The following MRAP2 variants were observed in gnomAD, a reference collection of about 807,000 sequenced individuals.
MRAP2 encodes melanocortin-2 receptor accessory protein 2.
In MRAP2, 20 loss-of-function variants were observed where a neutral mutation model predicts 17.4. The observed-to-expected ratio is 1.15, with a 90% confidence interval of 0.81 to 1.67. The LOEUF is 1.67. MRAP2 is among the 40% of genes most tolerant of loss of function. The probability of loss-of-function intolerance (pLI) is 0.00; values close to 1 mark genes in which losing one functional copy is unlikely to be tolerated. For synonymous variants in MRAP2, 96 were observed against 88.4 expected, an observed-to-expected ratio of 1.09 and a Z score of -0.48; for missense variants, 238 against 240.0, an observed-to-expected ratio of 0.99 and a Z score of 0.05.
At chr6:84,125,567 G>A in the MRAP2 span, among the ~76,000 whole-genome samples, 3 of 152,058 alleles carry the variant, frequency 2.0e-5, no homozygotes, top group Non-Finnish European at 4.4e-5. Flanking sequence ...TAAGGGTGGG[G>A]ACTTGATTTG....
chr6:84,078,233 A>G (rs928509826), intron 3 of MRAP2, among the ~76,000 whole-genome samples: 1 of 152,224 alleles, frequency 6.6e-6, no homozygotes, highest in Non-Finnish European at 1.5e-5. Flanking sequence ...TATGCAATAC[A>G]CATAACTGAC....
chr6:84,123,812 A>G, the MRAP2 span, among the ~76,000 whole-genome samples: 1,754 of 152,274 alleles, frequency 0.012, 29 homozygotes, highest in African/African-American at 0.04. Flanking sequence ...AATATATGCA[A>G]GTTATTTCTC....
At chr6:84,071,981 G>A (rs1382977940) in intron 3 of MRAP2, among the ~76,000 whole-genome samples, 4 of 151,808 alleles carry the variant, frequency 2.6e-5, no homozygotes, top group African/African-American at 9.7e-5. Flanking sequence ...TTTACTTCTT[G>A]TATAGTTTTT....
the MRAP2 span, chr6:84,124,902 GT>G: frequency 2.1e-5 from 13 of 633,482 alleles, no homozygotes; most frequent in African/African-American, 1.3e-4. Flanking sequence ...ACCATTATAT[GT>G]TTTTTTTCTT....
chr6:84,123,593 C>G, the MRAP2 span, among the ~76,000 whole-genome samples: 1 of 152,008 alleles, frequency 6.6e-6, no homozygotes, highest in Non-Finnish European at 1.5e-5. Flanking sequence ...GGATTAAAGA[C>G]CTAAATGTAA....
At chr6:84,140,937 G>A in the MRAP2 span, among the ~76,000 whole-genome samples, 5 of 152,184 alleles carry the variant, frequency 3.3e-5, no homozygotes, top group Non-Finnish European at 5.9e-5. Flanking sequence ...AAAGAGGGAG[G>A]ATGGTTTTGG....
intron 3 of MRAP2, among the ~76,000 whole-genome samples, chr6:84,069,644 T>C (rs1261060388): frequency 1.3e-5 from 2 of 152,190 alleles, no homozygotes; most frequent in East Asian, 3.9e-4. Flanking sequence ...TTCTCTATCT[T>C]GTGGAATAGT....
intron 2 of MRAP2, among the ~76,000 whole-genome samples, chr6:84,060,889 C>T (rs1326779108): frequency 3.6e-4 from 49 of 135,180 alleles, no homozygotes; most frequent in Middle Eastern, 8.1e-3. Context: ...TTAGTAGAGA[C>T]GGGGTTTCAC....
intron 1 of MRAP2, among the ~76,000 whole-genome samples, chr6:84,035,810 G>C (rs2099485825): frequency 6.6e-6 from 1 of 152,032 alleles, no homozygotes; most frequent in East Asian, 1.9e-4. Context: ...ATTTCTGTTG[G>C]CCCCCAGATG....
chr6:84,066,250 A>G (rs531561647), intron 3 of MRAP2, among the ~76,000 whole-genome samples: 1 of 152,354 alleles, frequency 6.6e-6, no homozygotes, highest in East Asian at 1.9e-4. Context: ...TAACAAGGTT[A>G]AGGAAAAATA....
At chr6:84,050,485 G>A (rs2099490151) in intron 1 of MRAP2, among the ~76,000 whole-genome samples, 1 of 152,168 alleles carries the variant, frequency 6.6e-6, no homozygotes. Flanking sequence ...GCACGAGTAA[G>A]CTGGGTGCAC....
At chr6:84,133,884 G>C in the MRAP2 span, among the ~76,000 whole-genome samples, 1 of 152,188 alleles carries the variant, frequency 6.6e-6, no homozygotes, top group Non-Finnish European at 1.5e-5. Flanking sequence ...ACAAGCCCCA[G>C]TGAGATGAAC....
chr6:84,119,714 T>G, the MRAP2 span, among the ~76,000 whole-genome samples: 1 of 152,186 alleles, frequency 6.6e-6, no homozygotes, highest in African/African-American at 2.4e-5. Context: ...TACAAGTGGT[T>G]GATCAGGAGT....
intron 1 of MRAP2, among the ~76,000 whole-genome samples, chr6:84,053,056 T>C (rs2099490839): frequency 6.6e-6 from 1 of 152,196 alleles, no homozygotes; most frequent in Admixed American, 6.5e-5. Flanking sequence ...ACTGCTGCTT[T>C]CTGACTGGTC....
At chr6:84,067,730 G>GTTTTTTT (rs57643473) in intron 3 of MRAP2, among the ~76,000 whole-genome samples, 1 of 125,634 alleles carries the variant, frequency 8.0e-6, no homozygotes, top group African/African-American at 3.0e-5. Context: ...GGATGGAATT[G>GTTTTTTT]TTTTTTTTTT....
chr6:84,109,004 G>A, the MRAP2 span, among the ~76,000 whole-genome samples: 4 of 152,024 alleles, frequency 2.6e-5, no homozygotes, highest in Non-Finnish European at 4.4e-5. Context: ...CTATTTCTGG[G>A]CTCTTTATTC....
intron 2 of MRAP2, among the ~76,000 whole-genome samples, chr6:84,058,375 A>G (rs2099492209): frequency 6.6e-6 from 1 of 152,218 alleles, no homozygotes; most frequent in African/African-American, 2.4e-5. Flanking sequence ...TGTGTAAGAG[A>G]AAGAAGAGTC....
intron 1 of MRAP2, among the ~76,000 whole-genome samples, chr6:84,034,395 T>G (rs1006537276): frequency 6.6e-6 from 1 of 152,080 alleles, no homozygotes; most frequent in African/African-American, 2.4e-5. Context: ...TGCTCATTCA[T>G]TTTGTTTGGA....
chr6:84,081,191 A>G lies in MRAP2; in HGVS notation c.228-7900A>G, dbSNP rs149100080. 4.0e-3 allele frequency among the ~76,000 whole-genome samples: 616 copies of G among 152,340 alleles called. 8 individuals are homozygous for G. The highest frequency in any genetic ancestry group is 0.014 in the African/African-American group (591 of 41,576). On this transcript the variant is annotated intron_variant, in intron 3 of 3. Coordinates refer to ENST00000257776, the MANE Select transcript of MRAP2 (RefSeq NM_138409.4). ...TTGATTGTGAAATTTCAAGTGCACC[A>G]TTATCCTGTCAAATGAAAAAGGTAG...
Sources: gnomAD v4.1 joint callset for allele counts (sites outside exome capture counted in the v4.1 genomes callset) on GRCh38, gnomAD v4.1.1 for gene constraint, MANE v1.5 for transcripts, NCBI Gene and HGNC (gene_info 2026-07-23, HGNC 2026-07-21) for gene names.